PTPN14: variants seen among roughly 807,000 people sequenced by gnomAD.
PTPN14 encodes the protein tyrosine-protein phosphatase non-receptor type 14.
PTPN14 carries 53 observed loss-of-function variants against 126.8 expected under a neutral mutation model. The observed-to-expected ratio is 0.42, with a 90% CI of 0.34 to 0.53. PTPN14 has a LOEUF of 0.53. Ranked by LOEUF, PTPN14 falls within the 20% of genes least tolerant of loss-of-function variation. PTPN14 has a pLI of 0.08. For missense variants in PTPN14, 1,257 were observed against 1,552.9 expected, an observed-to-expected ratio of 0.81 and a Z score of 3.20; for synonymous variants, 630 against 599.3, an observed-to-expected ratio of 1.05 and a Z score of -0.75.
At chr1:214,438,674 A>G (rs890666705) in intron 3 of PTPN14, among the ~76,000 whole-genome samples, 2 of 152,140 alleles carry the variant, frequency 1.3e-5, no homozygotes, top group Non-Finnish European at 2.9e-5. Flanking sequence ...TCACAGTGGC[A>G]TTGTAATGTC....
chr1:214,376,796 G>A lies in PTPN14; in HGVS notation c.2689-359C>T, dbSNP rs377343834. 1.6e-4 allele frequency among the ~76,000 whole-genome samples: 24 copies of A among 152,226 alleles called. No individual in the cohort carries two copies. The East Asian group carries it at 3.5e-3, about 22-fold the overall frequency. ...ATATAGCTGTTTTTAAGATGATACT[G>A]GTCCACAGTTCTATAGCTCTGAGGA... is the stretch of plus-strand genomic sequence containing the variant. On this transcript the variant is annotated intron_variant, in intron 14 of 18. Coordinates refer to ENST00000366956, the MANE Select transcript of PTPN14 (RefSeq NM_005401.5).
Position 214,386,784 on chromosome 1 carries a change from T to C in PTPN14, c.1066+60A>G, listed in dbSNP as rs181565904. 1.0e-4 allele frequency: 151 copies of C among 1,445,984 alleles called. No individual in the cohort carries two copies. In the East Asian group the frequency reaches 2.6e-3, roughly 25 times the overall value. The allele number at this position is 1,445,984 out of a possible 1,614,324, so 89.6% of individuals were successfully genotyped here. ...GTCATCTTTTTTTTAAAGCCTTCTT[T>C]ACTGCTTACTGGTATTCAACTTTTT... On this transcript the variant is annotated intron_variant, in intron 12 of 18. Coordinates refer to ENST00000366956, the MANE Select transcript of PTPN14 (RefSeq NM_005401.5).
intron 8 of PTPN14, among the ~76,000 whole-genome samples, chr1:214,395,592 C>CAT (rs1329185023): frequency 1.1e-5 from 1 of 94,442 alleles, no homozygotes; most frequent in African/African-American, 4.9e-5. Flanking sequence ...CCCAACAACA[C>CAT]ACACACACAC....
chr1:214,434,691 G>A (rs1391525850), intron 3 of PTPN14, among the ~76,000 whole-genome samples: 3 of 152,160 alleles, frequency 2.0e-5, no homozygotes, highest in African/African-American at 7.2e-5. Context: ...AAAATTACAT[G>A]AAATTGGAGT....
intron 2 of PTPN14, among the ~76,000 whole-genome samples, chr1:214,455,581 G>A (rs922638245): frequency 5.9e-5 from 9 of 152,146 alleles, no homozygotes; most frequent in Admixed American, 5.2e-4. Flanking sequence ...TTACTGCAAT[G>A]ATGAGAAAAG....
At chr1:214,548,531 T>C (rs1371050478) in intron 1 of PTPN14, among the ~76,000 whole-genome samples, 2 of 152,236 alleles carry the variant, frequency 1.3e-5, no homozygotes, top group African/African-American at 4.8e-5. Flanking sequence ...CTCACAGCAC[T>C]GTTCTCAGGC....
At chr1:214,411,352 G>A (rs1389169133) in intron 5 of PTPN14, among the ~76,000 whole-genome samples, 1 of 152,066 alleles carries the variant, frequency 6.6e-6, no homozygotes, top group Non-Finnish European at 1.5e-5. Context: ...GATCTTATAT[G>A]TAGAAAACCC....
At chr1:214,543,039 T>C (rs1655880020) in intron 1 of PTPN14, among the ~76,000 whole-genome samples, 2 of 152,332 alleles carry the variant, frequency 1.3e-5, no homozygotes, top group African/African-American at 2.4e-5. Context: ...GTCTTGGATA[T>C]GCGTGAGCTG....
intron 4 of PTPN14, among the ~76,000 whole-genome samples, chr1:214,414,403 C>T (rs1033229981): frequency 1.3e-5 from 2 of 152,186 alleles, no homozygotes; most frequent in Admixed American, 1.3e-4. Flanking sequence ...TCATATAAAA[C>T]TGTAATTATA....
chr1:214,504,154 T>G (rs774382325), intron 1 of PTPN14, among the ~76,000 whole-genome samples: 39 of 152,184 alleles, frequency 2.6e-4, no homozygotes, highest in Non-Finnish European at 3.2e-4. Flanking sequence ...ATTTACATTA[T>G]AGAACATTGA....
At chr1:214,538,094 G>GT (rs1655751100) in intron 1 of PTPN14, among the ~76,000 whole-genome samples, 1 of 152,194 alleles carries the variant, frequency 6.6e-6, no homozygotes, top group Non-Finnish European at 1.5e-5. Flanking sequence ...TAAAGGCTAC[G>GT]TTATTAGTTG....
chr1:214,378,366 C>T (rs2102529790), intron 13 of PTPN14, among the ~76,000 whole-genome samples: 1 of 152,222 alleles, frequency 6.6e-6, no homozygotes, highest in Admixed American at 6.5e-5. Context: ...ACAAATACAC[C>T]CTGCCATAGG....
intron 3 of PTPN14, among the ~76,000 whole-genome samples, chr1:214,445,800 T>A (rs934285530): frequency 2.6e-5 from 4 of 152,214 alleles, no homozygotes; most frequent in African/African-American, 9.6e-5. Flanking sequence ...TAAGTATCCT[T>A]CTGTTTGAGT....
At chr1:214,515,570 A>AT (rs1466307541) in intron 1 of PTPN14, among the ~76,000 whole-genome samples, 1 of 152,220 alleles carries the variant, frequency 6.6e-6, no homozygotes, top group Non-Finnish European at 1.5e-5. Context: ...TATCATGTTA[A>AT]TAACAGCTTC....
intron 13 of PTPN14, 57 bp from the exon 14 acceptor site, chr1:214,378,159 T>C: frequency 8.5e-6 from 13 of 1,536,326 alleles, no homozygotes; most frequent in Non-Finnish European, 1.1e-5. Flanking sequence ...AATGTTGGAA[T>C]GTGTTTTAAT....
At chr1:214,428,635 T>C (rs895586439) in intron 3 of PTPN14, among the ~76,000 whole-genome samples, 1 of 152,210 alleles carries the variant, frequency 6.6e-6, no homozygotes, top group African/African-American at 2.4e-5. Context: ...ATTTCTATTA[T>C]TTGACTTTTG....
chr1:214,507,098 A>C (rs1654863292), intron 1 of PTPN14, among the ~76,000 whole-genome samples: 1 of 152,110 alleles, frequency 6.6e-6, no homozygotes, highest in Non-Finnish European at 1.5e-5. Flanking sequence ...TGATATGCAA[A>C]TGTTATTTGC....
At chr1:214,473,262 G>C (rs1206942318) in intron 1 of PTPN14, among the ~76,000 whole-genome samples, 3 of 152,182 alleles carry the variant, frequency 2.0e-5, no homozygotes, top group Non-Finnish European at 4.4e-5. Context: ...GCAGAGGAGA[G>C]ATCTTTCACA....
chr1:214,385,136 G>A (rs1658578290), intron 12 of PTPN14, among the ~76,000 whole-genome samples: 1 of 152,174 alleles, frequency 6.6e-6, no homozygotes, highest in Admixed American at 6.5e-5. Flanking sequence ...CTCTTGTGCA[G>A]GGCTCGGCAA....
Sources: allele counts gnomAD v4.1 joint callset (sites outside exome capture counted in the v4.1 genomes callset), GRCh38; gene constraint gnomAD v4.1.1; transcripts MANE v1.5; gene names NCBI Gene and HGNC (gene_info 2026-07-23, HGNC 2026-07-21).